Variants in TBCD observed in about 807,000 individuals in gnomAD.
TBCD encodes the protein tubulin folding cofactor D, also known as tubulin-specific chaperone D.
A neutral mutation model predicts 169.3 loss-of-function variants in TBCD; 105 were observed. The observed-to-expected ratio is 0.62, with a 90% CI of 0.53 to 0.73. The LOEUF is 0.73. Ranked by LOEUF, TBCD falls within the 30% of genes least tolerant of loss-of-function variation. The pLI is 0.00. For missense variants in TBCD, 1,444 were observed against 1,600.1 expected, an observed-to-expected ratio of 0.90 and a Z score of 1.66; for synonymous variants, 700 against 643.9, an observed-to-expected ratio of 1.09 and a Z score of -1.32.
intron 2 of TBCD, among the ~76,000 whole-genome samples, chr17:82,760,455 CTTTTT>C (rs929181475): frequency 2.0e-5 from 3 of 151,912 alleles, no homozygotes; most frequent in Middle Eastern, 3.4e-3. Flanking sequence ...TTCCTGGAGA[CTTTTT>C]TTTAGGTTTA....
chr17:82,887,168 T>TGTGTGTGTGCGTGCGCGCGCGC, intron 15 of TBCD, among the ~76,000 whole-genome samples: 1 of 126,102 alleles, frequency 7.9e-6, no homozygotes, highest in African/African-American at 3.3e-5. Context: ...TGTGTGTGTG[T>TGTGTGTGTGCGTGCGCGCGCGC]GCGCGCGCGC....
At chr17:82,899,363 C>CGTCCTCAGCGCACGT (rs1567989217) in intron 17 of TBCD, among the ~76,000 whole-genome samples, 1 of 150,158 alleles carries the variant, frequency 6.7e-6, no homozygotes, top group Non-Finnish European at 1.5e-5. Context: ...GTCCGCAGTG[C>CGTCCTCAGCGCACGT]GTCCTCAGCG....
chr17:82,824,760 T>G (rs1229377926), intron 13 of TBCD, among the ~76,000 whole-genome samples: 2 of 151,894 alleles, frequency 1.3e-5, no homozygotes, highest in East Asian at 1.9e-4. Context: ...AGAACCTGTT[T>G]GACACCCCTT....
At chr17:82,839,061 C>A in intron 13 of TBCD, 3 of 826,686 alleles carry the variant, frequency 3.6e-6, no homozygotes, top group South Asian at 5.5e-5. Flanking sequence ...CCTTAACAAC[C>A]AAACAGAAAC....
At chr17:82,767,243 G>T (rs1468540010) in intron 4 of TBCD, among the ~76,000 whole-genome samples, 2 of 152,092 alleles carry the variant, frequency 1.3e-5, no homozygotes, top group Non-Finnish European at 2.9e-5. Flanking sequence ...CGTGCAGTGC[G>T]GTGGCTTGTC....
chr17:82,843,579 C>T (rs558938313), intron 13 of TBCD, among the ~76,000 whole-genome samples: 1 of 142,144 alleles, frequency 7.0e-6, no homozygotes, highest in Admixed American at 7.0e-5. Context: ...AGCTTACTTA[C>T]CCTTCCCTTC....
At position 82,930,845 on chromosome 17, in the gene TBCD, G is replaced by A. The variant is rs557690712; in HGVS notation, c.3113+202G>A. Among the ~76,000 whole-genome samples the A allele has an allele frequency of 4.7e-4, 71 of 152,336 alleles. No individual in the cohort carries two copies. The highest frequency in any genetic ancestry group is 1.6e-3 in the African/African-American group (68 of 41,572). ...CGGGCGGCCAGGCCTCAGCCCCTGC[G>A]CCTCCTCTTCTAGCCTCCACATGAG... On this transcript the variant is annotated intron_variant, in intron 33 of 38. Transcript: ENST00000355528. This position sits in a 1 kb window ranked among gnomAD's most constrained non-coding sequence, Gnocchi z 5.2.
chr17:82,936,343 G>A (rs1036475559), intron 34 of TBCD, among the ~76,000 whole-genome samples: 7 of 152,160 alleles, frequency 4.6e-5, no homozygotes, highest in African/African-American at 1.4e-4. Flanking sequence ...GTGTTTCCAC[G>A]TCTGCTTGTA....
chr17:82,826,858 C>G (rs1350736027), intron 13 of TBCD, among the ~76,000 whole-genome samples: 1 of 152,204 alleles, frequency 6.6e-6, no homozygotes, highest in Non-Finnish European at 1.5e-5. Context: ...TCACTACAAC[C>G]TCTGCCTCCC....
In TBCD at chr17:82,876,043, C is replaced by T; in HGVS notation, c.1475+5663C>T. ...TTAAATGTCTGACTTTCAAATGACA[C>T]AGAATTATTGTTTCTTAAGGTAAAA... On this transcript the variant is annotated intron_variant, in intron 14 of 38. Coordinates refer to ENST00000355528, the MANE Select transcript of TBCD (RefSeq NM_005993.5). Among the ~76,000 whole-genome samples the T allele has an allele frequency of 1.3e-5, 2 of 152,120 alleles. 1 individual carries two copies. Among genetic ancestry groups the T allele is most frequent in the Non-Finnish European group, 2.9e-5 (2 of 68,026 alleles).
chr17:82,878,808 C>T (rs1344941910), intron 14 of TBCD, among the ~76,000 whole-genome samples: 1 of 152,170 alleles, frequency 6.6e-6, no homozygotes, highest in Non-Finnish European at 1.5e-5. Flanking sequence ...TGTGTCCCCA[C>T]CCCGACGTTC....
chr17:82,926,882 G>A (rs555722492), intron 28 of TBCD: 38 of 504,012 alleles, frequency 7.5e-5, no homozygotes, highest in South Asian at 3.3e-4. Context: ...CGGGGGCCAC[G>A]CACGCCCCCT....
rs1328466800 is a variant in TBCD, at chr17:82,915,601, G to A, written c.2038+3812G>A. On this transcript the variant is annotated intron_variant, in intron 23 of 38. Coordinates refer to ENST00000355528, the MANE Select transcript of TBCD (RefSeq NM_005993.5). This position sits in a 1 kb window ranked among gnomAD's most constrained non-coding sequence, Gnocchi z 4.3. ...AGGGGTTTGTCAGTCAGGGTGGACTGCGTTTTGCTCTTGAAACAATCCCCA... is the reference window on the plus strand; with the variant it reads ...AGGGGTTTGTCAGTCAGGGTGGACTACGTTTTGCTCTTGAAACAATCCCCA... 1.3e-5 allele frequency among the ~76,000 whole-genome samples: 2 copies of A among 152,218 alleles called. No individual in the cohort carries two copies. The highest frequency in any genetic ancestry group is 4.8e-5 in the African/African-American group (2 of 41,458).
intron 32 of TBCD, 150 bp downstream of exon 32, chr17:82,929,650 A>G (rs1252476674): frequency 1.8e-6 from 2 of 1,104,128 alleles, no homozygotes; most frequent in Non-Finnish European, 2.7e-6. Context: ...TCAGGGGCCC[A>G]GTGTCTTCCT....
Position 82,864,236 on chromosome 17 carries a change from C to G in TBCD, c.1319-5988C>G, listed in dbSNP as rs564886812. 1 of 152,208 alleles carries G rather than the reference C, an allele frequency of 6.6e-6. No homozygotes were observed. The highest frequency in any genetic ancestry group is 1.5e-5 in the Non-Finnish European group (1 of 68,050). 9.4% of individuals were successfully genotyped at this position (152,208 alleles called of 1,614,324 possible). The stretch of plus-strand genomic sequence containing the variant: ...CTTGTGCTTCCAGGGCTCTTTGAAG[C>G]GTCTCACTTTTTAATTTCATGAAGA... On this transcript the variant is annotated intron_variant, in intron 13 of 38. Coordinates refer to ENST00000355528, the MANE Select transcript of TBCD (RefSeq NM_005993.5). This position sits in a 1 kb window ranked among gnomAD's most constrained non-coding sequence, Gnocchi z 6.3.
At chr17:82,928,838 C>T (rs763090905) in intron 30 of TBCD, among the ~76,000 whole-genome samples, 6 of 152,140 alleles carry the variant, frequency 3.9e-5, no homozygotes, top group African/African-American at 7.2e-5. Context: ...CTCATCAGCA[C>T]GCATGTAACA....
chr17:82,934,309 CAT>C (rs760268362), intron 34 of TBCD, among the ~76,000 whole-genome samples: 1 of 152,188 alleles, frequency 6.6e-6, no homozygotes, highest in Non-Finnish European at 1.5e-5. Context: ...GGACGCTGCA[CAT>C]GTTTTTAAAT....
chr17:82,827,117 A>G (rs1243178421), intron 13 of TBCD, among the ~76,000 whole-genome samples: 1 of 152,170 alleles, frequency 6.6e-6, no homozygotes, highest in Non-Finnish European at 1.5e-5. Context: ...TTATTCATTC[A>G]AGTCTTATTC....
intron 15 of TBCD, among the ~76,000 whole-genome samples, chr17:82,887,977 T>C (rs186725200): frequency 1.4e-3 from 209 of 152,354 alleles, no homozygotes; most frequent in Admixed American, 3.4e-3. Flanking sequence ...TCTTTACATA[T>C]GTAGGATTCT....
Sources: allele counts gnomAD v4.1 joint callset (sites outside exome capture counted in the v4.1 genomes callset), GRCh38; gene constraint gnomAD v4.1.1; non-coding constraint Gnocchi (gnomAD v3.1); transcripts MANE v1.5; gene names NCBI Gene and HGNC (gene_info 2026-07-23, HGNC 2026-07-21).